Variants in GAA observed in about 807,000 individuals in gnomAD.
The protein encoded by GAA is lysosomal alpha-glucosidase.
A neutral mutation model predicts 103.9 loss-of-function variants in GAA; 88 were observed. The ratio of observed to expected loss-of-function variants is 0.85; its 90% CI spans 0.71 to 1.01. The LOEUF is 1.01. GAA is among the 50% of genes least tolerant of loss of function. The pLI is 0.00. For missense variants in GAA, 1,350 were observed against 1,305.3 expected (o/e 1.03, Z -0.53); for synonymous variants, 572 against 563.1 (o/e 1.02, Z -0.22).
chr17:80,112,839 C>T (rs1291254931), intron 13 of GAA, 37 bp from the exon 14 acceptor site: 5 of 1,596,218 alleles, frequency 3.1e-6, no homozygotes, highest in Middle Eastern at 1.7e-4. Flanking sequence ...GGCTCTGCTG[C>T]AGCAGCCTGA....
In GAA at chr17:80,118,747, A is replaced by AG. The variant is rs771642865; in HGVS notation, c.2742dup (p.Gln915AlafsTer103). 1.2e-6 allele frequency: 2 copies of AG among 1,613,434 alleles called. No individual in the cohort carries two copies. The highest frequency in any genetic ancestry group is 1.7e-5 in the Admixed American group (1 of 60,006). ...GTCCTGGGCGTGGCCACGGCGCCCC[A>AG]GCAGGTCCTCTCCAACGGTGTCCCT... On this transcript the variant is annotated frameshift_variant, in exon 19 of 20. Transcript: ENST00000302262. LOFTEE classifies it high-confidence loss of function.
rs1257379580 is a variant in GAA, at chr17:80,110,011, G to C, written c.1393G>C (p.Gly465Arg). Residue 465 changes from glycine (G) to arginine (R), a missense_variant, in exon 9 of 20, where the codon GGG (glycine) becomes CGG (arginine). Coordinates refer to ENST00000302262, the MANE Select transcript of GAA (RefSeq NM_000152.5). ...YRPYDEGLRRGVFITNETGQP... is the reference protein window; with the variant it reads ...YRPYDEGLRRRVFITNETGQP... Reference sequence around the variant, plus strand: ...GCCCTACGACGAGGGTCTGCGGAGGGGGGTTTTCATCACCAACGAGACCGG... The same window carrying C: ...GCCCTACGACGAGGGTCTGCGGAGGCGGGTTTTCATCACCAACGAGACCGG... 2 of 1,613,240 alleles carry C rather than the reference G, an allele frequency of 1.2e-6. No homozygotes were observed. The highest frequency in any genetic ancestry group is 2.7e-5 in the African/African-American group (2 of 74,932).
At position 80,117,683 on chromosome 17, in the gene GAA, G is replaced by A. The variant is rs150536507; in HGVS notation, c.2415G>A (p.Val805=). Residue 805 remains valine (V), a synonymous_variant, in exon 17 of 20, where the codon GTG becomes GTA. Transcript: ENST00000302262. ...CCATCCACAGCGAGGGGCAGTGGGTGACGCTGCCGGCCCCCCTGGACACCA... is the reference window on the plus strand; with the variant it reads ...CCATCCACAGCGAGGGGCAGTGGGTAACGCTGCCGGCCCCCCTGGACACCA... The part of the protein sequence containing the change: ...EPAIHSEGQW[V]TLPAPLDTIN... 1.5e-3 allele frequency: 2,443 copies of A among 1,612,432 alleles called. 2 individuals carry two copies. The highest frequency in any genetic ancestry group is 1.9e-3 in the Non-Finnish European group (2,233 of 1,179,906).
chr17:80,115,499 G>A (rs1324622007), intron 15 of GAA, among the ~76,000 whole-genome samples: 3 of 152,132 alleles, frequency 2.0e-5, no homozygotes, highest in African/African-American at 7.2e-5. Flanking sequence ...CTTCAGACAC[G>A]GTTTCGCTGA....
At chr17:80,115,745 T>C (rs984859251) in intron 15 of GAA, among the ~76,000 whole-genome samples, 64 of 152,358 alleles carry the variant, frequency 4.2e-4, no homozygotes, top group Admixed American at 2.4e-3. Flanking sequence ...CTGATTGTTT[T>C]GTGACTTTCT....
At position 80,110,664 on chromosome 17, in the gene GAA, T is replaced by C. The variant is rs1598581266; in HGVS notation, c.1438-63T>C. On this transcript the variant is annotated intron_variant, in intron 9 of 19. Coordinates refer to ENST00000302262, the MANE Select transcript of GAA (RefSeq NM_000152.5). ...CCCCTCTGCTCAGGCTGAGGCTCAG[T>C]GGGGCTTCCATGCAGGCCCTGGGTG... The C allele has an allele frequency of 3.5e-6, 5 of 1,420,222 alleles. No individual in the cohort carries two copies. The East Asian group carries it at 6.8e-5, about 19-fold the overall frequency. The allele number at this position is 1,420,222 out of a possible 1,614,324, so 88.0% of individuals were successfully genotyped here.
chr17:80,109,436 G>A (rs965381979), intron 8 of GAA, among the ~76,000 whole-genome samples: 6 of 152,220 alleles, frequency 3.9e-5, no homozygotes, highest in Admixed American at 2.0e-4. Flanking sequence ...TGTCCGGCAC[G>A]ATGGCCAGAG....
At chr17:80,108,162 C>G in intron 5 of GAA, 128 bp from the exon 6 acceptor site, 2 of 1,533,498 alleles carry the variant, frequency 1.3e-6, no homozygotes, top group Admixed American at 1.7e-5. Context: ...CACGGCTTCC[C>G]CAGGCCACTC....
chr17:80,106,914 C>T (rs1269822256), intron 3 of GAA, among the ~76,000 whole-genome samples: 2 of 152,158 alleles, frequency 1.3e-5, no homozygotes, highest in Non-Finnish European at 2.9e-5. Context: ...GACCCCGTCT[C>T]AAAAAACAAA....
chr17:80,108,787 C>G lies in GAA; in HGVS notation c.1285C>G (p.Gln429Glu), dbSNP rs528369909. The G allele has an allele frequency of 4.7e-4, 748 of 1,607,578 alleles. 11 individuals carry two copies. In the South Asian group the frequency reaches 7.0e-3, roughly 15 times the overall value. ...CTTCCGGGACTTCCCGGCCATGGTG[C>G]AGGAGCTGCACCAGGGCGGCCGGCG... is the stretch of plus-strand genomic sequence containing the variant. ...DGFRDFPAMV[Q>E]ELHQGGRRYM... Residue 429 changes from glutamine (Q) to glutamate (E), a missense_variant, in exon 8 of 20, where the codon CAG becomes GAG. By Grantham distance (29) the Gln-to-Glu change is conservative. Transcript: ENST00000302262.
rs193244794 is a variant in GAA, at chr17:80,104,396, C to T, written c.-32-159C>T. On this transcript the variant is annotated intron_variant, in intron 1 of 19. Transcript: ENST00000302262. The surrounding 1 kb of genome is among the most constrained non-coding windows in gnomAD (Gnocchi z 4.0). ...TCTCGCCCTTCCTTCTGGCCCTCTC[C>T]CCAGTCTAGACAGCAGGGCAACACC... Among the ~76,000 whole-genome samples the T allele has an allele frequency of 8.2e-4, 125 of 152,288 alleles. No homozygotes were observed. Among genetic ancestry groups the T allele is most frequent in the African/African-American group, 2.9e-3 (120 of 41,562 alleles).
Position 80,107,575 on chromosome 17 carries a change from G to C in GAA, c.711G>C (p.Ala237=). The part of the protein sequence containing the change: ...DGRVLLNTTV[A]PLFFADQFLQ... ...CCCGCAGGCTGAACACGACGGTGGC[G>C]CCCCTGTTCTTTGCGGACCAGTTCC... is the stretch of plus-strand genomic sequence containing the variant. Residue 237 remains alanine (A), a synonymous_variant, in exon 4 of 20, where the codon GCG becomes GCC. Coordinates refer to ENST00000302262, the MANE Select transcript of GAA (RefSeq NM_000152.5). 1 of 1,613,040 alleles carries C rather than the reference G, an allele frequency of 6.2e-7. No homozygotes were observed. The highest frequency in any genetic ancestry group is 1.7e-5 in the Admixed American group (1 of 60,018).
intron 11 of GAA, 178 bp from the exon 12 acceptor site, chr17:80,111,805 A>C (rs928181582): frequency 3.3e-6 from 2 of 611,702 alleles, no homozygotes; most frequent in Non-Finnish European, 5.8e-6. Flanking sequence ...ATGATTACCC[A>C]GGTTCCCGGG....
At chr17:80,117,535 G>T (rs2143923680) in intron 16 of GAA, 65 bp from the exon 17 acceptor site, 1 of 1,589,012 alleles carries the variant, frequency 6.3e-7, no homozygotes, top group East Asian at 2.2e-5. Flanking sequence ...GGAGAGCGTG[G>T]TTCCTGAGGA....
intron 15 of GAA, among the ~76,000 whole-genome samples, chr17:80,114,548 T>C (rs577197359): frequency 6.6e-6 from 1 of 152,312 alleles, no homozygotes; most frequent in Non-Finnish European, 1.5e-5. Context: ...TGGTTTCCAT[T>C]GCCTCTCGTT....
At chr17:80,116,231 CAG>C (rs1192256022) in intron 15 of GAA, among the ~76,000 whole-genome samples, 2 of 152,208 alleles carry the variant, frequency 1.3e-5, no homozygotes, top group Non-Finnish European at 2.9e-5. Flanking sequence ...GGCAAGAACA[CAG>C]TGACACAGTA....
rs766325117 is a variant in GAA at position 80,117,695 on chromosome 17, C to G, written c.2427C>G (p.Ala809=). 11 of 1,612,322 alleles carry G rather than the reference C, an allele frequency of 6.8e-6. No individual in the cohort carries two copies. In the East Asian group the frequency reaches 2.2e-4, roughly 33 times the overall value. ...HSEGQWVTLP[A]PLDTINVHLR... ...AGGGGCAGTGGGTGACGCTGCCGGC[C>G]CCCCTGGACACCATCAACGTCCACC... The change falls in exon 17 of 20, where the codon GCC becomes GCG. Residue 809 remains alanine, a synonymous_variant. Transcript: ENST00000302262.
rs578245757 is a variant in GAA at position 80,116,993 on chromosome 17, A to G, written c.2215A>G (p.Thr739Ala). 10 of 1,613,592 alleles carry G rather than the reference A, an allele frequency of 6.2e-6. No individual in the cohort carries two copies. The highest frequency in any genetic ancestry group is 8.5e-6 in the Non-Finnish European group (10 of 1,180,026). ...LEFPKDSSTW[T>A]VDHQLLWGEA... is the part of the protein sequence containing the mutation. ...GTTCCCCAAGGACTCTAGCACCTGG[A>G]CTGTGGACCACCAGCTCCTGTGGGG... The change falls in exon 16 of 20, where the codon ACT becomes GCT. Residue 739 changes from threonine (T) to alanine (A), a missense_variant. By Grantham distance (58) the Thr-to-Ala change is moderately conservative. Coordinates refer to ENST00000302262, the MANE Select transcript of GAA (RefSeq NM_000152.5).
rs913571425 is a variant in GAA at position 80,116,661 on chromosome 17, G to C, written c.2190-307G>C. On this transcript the variant is annotated intron_variant, in intron 15 of 19. Coordinates refer to ENST00000302262, the MANE Select transcript of GAA (RefSeq NM_000152.5). ...TGAGCACATGCTGCCTTGGTTACCG[G>C]AGGATAAGTGAGCGAGCAAAGTGAG... Among the ~76,000 whole-genome samples, 8 of 152,230 alleles carry C rather than the reference G, an allele frequency of 5.3e-5. No homozygotes were observed. Among genetic ancestry groups the C allele is most frequent in the African/African-American group, 1.9e-4 (8 of 41,442 alleles).
Sources: gnomAD v4.1 joint callset for allele counts (sites outside exome capture counted in the v4.1 genomes callset) on GRCh38, gnomAD v4.1.1 for gene constraint, Gnocchi (gnomAD v3.1) non-coding constraint, MANE v1.5 for transcripts, NCBI Gene and HGNC (gene_info 2026-07-23, HGNC 2026-07-21) for gene names.